HYCC1: variants seen among roughly 807,000 people sequenced by gnomAD.
HYCC1 encodes hyccin PI4KA lipid kinase complex subunit 1.
At chr7:22,914,312 C>G in the HYCC1 span, among the ~76,000 whole-genome samples, 1 of 152,178 alleles carries the variant, frequency 6.6e-6, no homozygotes, top group East Asian at 1.9e-4. Context: ...CAGGGCTGCT[C>G]ACCACCCCCC....
At chr7:23,008,983 C>T in the HYCC1 span, among the ~76,000 whole-genome samples, 1 of 151,932 alleles carries the variant, frequency 6.6e-6, no homozygotes, top group Admixed American at 6.6e-5. Flanking sequence ...GGTTTAAACA[C>T]ATTAAAATGT....
At chr7:22,995,124 G>T in the HYCC1 span, among the ~76,000 whole-genome samples, 1 of 152,080 alleles carries the variant, frequency 6.6e-6, no homozygotes, top group Non-Finnish European at 1.5e-5. Flanking sequence ...ACAAACCACT[G>T]GGCTTAGAGG....
At chr7:22,967,320 G>C in the HYCC1 span, among the ~76,000 whole-genome samples, 3 of 152,168 alleles carry the variant, frequency 2.0e-5, no homozygotes, top group Non-Finnish European at 4.4e-5. Flanking sequence ...CCTTTGAATT[G>C]AGTCTTGAAG....
the HYCC1 span, among the ~76,000 whole-genome samples, chr7:22,957,034 T>A: frequency 6.6e-6 from 1 of 151,926 alleles, no homozygotes; most frequent in Non-Finnish European, 1.5e-5. Context: ...CTAAAATACA[T>A]TCTAGGATAG....
chr7:22,946,323 T>C, the HYCC1 span, among the ~76,000 whole-genome samples: 1 of 152,126 alleles, frequency 6.6e-6, no homozygotes, highest in African/African-American at 2.4e-5. Flanking sequence ...AAAACATTTA[T>C]TATAAAATGT....
the HYCC1 span, among the ~76,000 whole-genome samples, chr7:22,971,575 C>T: frequency 6.6e-6 from 1 of 150,644 alleles, no homozygotes. Context: ...ACTCAGGACG[C>T]TGAGGCACAA....
At chr7:22,979,193 A>C in the HYCC1 span, among the ~76,000 whole-genome samples, 1 of 152,214 alleles carries the variant, frequency 6.6e-6, no homozygotes, top group Non-Finnish European at 1.5e-5. Context: ...GTAATGAACA[A>C]AAACTAATTT....
At chr7:22,985,657 T>G in the HYCC1 span, 1 of 152,020 alleles carries the variant, frequency 6.6e-6, no homozygotes, top group Admixed American at 6.6e-5. Context: ...TAAGGCATTC[T>G]TCAATATTTC....
the HYCC1 span, chr7:22,934,358 A>C: frequency 6.6e-6 from 1 of 151,788 alleles, no homozygotes; most frequent in East Asian, 1.9e-4. Flanking sequence ...GATTGGTTTA[A>C]AGGCCCTGTT....
At chr7:22,980,008 T>C in the HYCC1 span, among the ~76,000 whole-genome samples, 17 of 152,074 alleles carry the variant, frequency 1.1e-4, no homozygotes, top group Non-Finnish European at 1.9e-4. Context: ...GGGTAAAATA[T>C]CATTATCCAC....
chr7:22,990,013 T>C, the HYCC1 span, among the ~76,000 whole-genome samples: 1 of 152,222 alleles, frequency 6.6e-6, no homozygotes, highest in African/African-American at 2.4e-5. Flanking sequence ...ATCCCACTCT[T>C]GCCTAGAGCA....
the HYCC1 span, among the ~76,000 whole-genome samples, chr7:22,961,575 T>C: frequency 1.3e-5 from 2 of 152,022 alleles, no homozygotes; most frequent in African/African-American, 4.8e-5. Context: ...AGAACAGAAA[T>C]AAAAAAAGCT....
At chr7:22,951,927 T>C in the HYCC1 span, among the ~76,000 whole-genome samples, 1 of 151,922 alleles carries the variant, frequency 6.6e-6, no homozygotes, top group South Asian at 2.1e-4. Context: ...ATACTGGAAT[T>C]ATAAGTAAAT....
the HYCC1 span, chr7:22,935,348 T>C: frequency 2.6e-5 from 4 of 152,194 alleles, no homozygotes; most frequent in African/African-American, 9.7e-5. Context: ...AGGGGATCAT[T>C]TTTAATCTGA....
the HYCC1 span, chr7:22,945,880 T>A: frequency 5.6e-6 from 9 of 1,613,804 alleles, no homozygotes; most frequent in Non-Finnish European, 5.1e-6. Flanking sequence ...TTAAAGTAAG[T>A]CTCTTCAAAG....
At chr7:23,001,887 T>C in the HYCC1 span, among the ~76,000 whole-genome samples, 1 of 139,402 alleles carries the variant, frequency 7.2e-6, no homozygotes, top group Admixed American at 7.3e-5. Context: ...CTTTGCTTTA[T>C]GGCAAACATT....
the HYCC1 span, chr7:22,935,124 C>T: frequency 6.6e-6 from 1 of 152,180 alleles, no homozygotes; most frequent in Non-Finnish European, 1.5e-5. Context: ...TCCTGTTTAG[C>T]TGAAAGTTCT....
the HYCC1 span, among the ~76,000 whole-genome samples, chr7:22,973,188 G>A: frequency 6.6e-6 from 1 of 152,180 alleles, no homozygotes; most frequent in Non-Finnish European, 1.5e-5. Context: ...TCATTAAGAA[G>A]CTCTTGTACT....
At chr7:22,928,487 G>A in the HYCC1 span, among the ~76,000 whole-genome samples, 3 of 152,168 alleles carry the variant, frequency 2.0e-5, no homozygotes, top group Non-Finnish European at 2.9e-5. Flanking sequence ...CTTCAGCAAA[G>A]TCTCAGGATA....
Sources: gnomAD v4.1 joint callset for allele counts (sites outside exome capture counted in the v4.1 genomes callset) on GRCh38, gnomAD v4.1.1 for gene constraint, MANE v1.5 for transcripts, NCBI Gene and HGNC (gene_info 2026-07-23, HGNC 2026-07-21) for gene names.